Variants in LMX1A observed in about 807,000 individuals in gnomAD.
LMX1A encodes LIM homeobox transcription factor 1-alpha.
A neutral mutation model predicts 49.1 loss-of-function variants in LMX1A; 15 were observed. That is an observed-to-expected ratio of 0.31 (90% CI 0.20 to 0.47). LMX1A has a LOEUF of 0.47. Among genes scored for constraint, LMX1A ranks in the 20% least tolerant of loss-of-function variants. The probability of loss-of-function intolerance (pLI) is 1.00; values close to 1 mark genes in which losing one functional copy is unlikely to be tolerated. For missense variants in LMX1A, 372 were observed against 475.8 expected (o/e 0.78, Z 2.03); for synonymous variants, 167 against 185.7 (o/e 0.90, Z 0.82).
At chr1:165,311,706 G>A (rs1359271667) in intron 3 of LMX1A, among the ~76,000 whole-genome samples, 1 of 152,212 alleles carries the variant, frequency 6.6e-6, no homozygotes, top group South Asian at 2.1e-4. Flanking sequence ...AAGAGAAAGA[G>A]AAGGGTTTGT....
chr1:165,355,461 G>T lies in LMX1A; in HGVS notation c.76+23C>A, dbSNP rs1234064541. On this transcript the variant is annotated intron_variant, in intron 2 of 8. Coordinates refer to ENST00000342310, the MANE Select transcript of LMX1A (RefSeq NM_177398.4). This position sits in a 1 kb window ranked among gnomAD's most constrained non-coding sequence, Gnocchi z 4.7. ...GCCAAGCGGAAAGAGAGTGCGCCCAGGACGCACGGCCTGAACACTCACCCA... is the reference window on the plus strand; with the variant it reads ...GCCAAGCGGAAAGAGAGTGCGCCCATGACGCACGGCCTGAACACTCACCCA... 16 of 1,612,488 alleles carry T rather than the reference G, an allele frequency of 9.9e-6. No individual in the cohort carries two copies. The East Asian group carries it at 3.6e-4, about 36-fold the overall frequency.
At chr1:165,257,462 G>A (rs946824853) in intron 3 of LMX1A, among the ~76,000 whole-genome samples, 4 of 151,936 alleles carry the variant, frequency 2.6e-5, no homozygotes, top group Non-Finnish European at 4.4e-5. Flanking sequence ...TTGATCCCTT[G>A]AGGCTACTCA....
At chr1:165,259,983 G>A (rs1240984582) in intron 3 of LMX1A, among the ~76,000 whole-genome samples, 1 of 152,188 alleles carries the variant, frequency 6.6e-6, no homozygotes, top group Non-Finnish European at 1.5e-5. Flanking sequence ...TGGTGAAAGT[G>A]TGGATTTCAA....
chr1:165,291,993 C>T (rs1435172320), intron 3 of LMX1A, among the ~76,000 whole-genome samples: 1 of 133,602 alleles, frequency 7.5e-6, no homozygotes, highest in African/African-American at 2.7e-5. Context: ...ACCCGGGAGG[C>T]GGAGCTTGCA....
intron 3 of LMX1A, among the ~76,000 whole-genome samples, chr1:165,264,490 G>T (rs1263248891): frequency 1.3e-5 from 2 of 152,104 alleles, no homozygotes; most frequent in Non-Finnish European, 1.5e-5. Flanking sequence ...CAGAAGTTTG[G>T]GGAGGAATTT....
At chr1:165,321,351 T>C (rs1655379634) in intron 3 of LMX1A, among the ~76,000 whole-genome samples, 1 of 152,138 alleles carries the variant, frequency 6.6e-6, no homozygotes, top group Non-Finnish European at 1.5e-5. Flanking sequence ...TCTGTGAACA[T>C]ACTAAAAAAC....
chr1:165,339,654 T>C (rs896863054), intron 3 of LMX1A, among the ~76,000 whole-genome samples: 2 of 152,128 alleles, frequency 1.3e-5, no homozygotes, highest in African/African-American at 2.4e-5. Context: ...TGAGGAGTGA[T>C]GGAAAGCAGA....
At chr1:165,316,784 A>C (rs1655241287) in intron 3 of LMX1A, among the ~76,000 whole-genome samples, 1 of 152,228 alleles carries the variant, frequency 6.6e-6, no homozygotes, top group Middle Eastern at 3.4e-3. Flanking sequence ...ATGGCAGATG[A>C]GGAGGAGTTG....
chr1:165,262,141 T>A (rs1010226741), intron 3 of LMX1A, among the ~76,000 whole-genome samples: 1 of 152,182 alleles, frequency 6.6e-6, no homozygotes, highest in East Asian at 1.9e-4. Context: ...GTGATTATGT[T>A]CCCAAGTGAA....
chr1:165,228,207 G>A (rs1471579763), intron 4 of LMX1A, among the ~76,000 whole-genome samples: 2 of 138,394 alleles, frequency 1.4e-5, no homozygotes, highest in Admixed American at 7.8e-5. Flanking sequence ...TTATTTTGGA[G>A]AGAACGGTGC....
At chr1:165,351,770 TA>T (rs1396043735) in intron 3 of LMX1A, among the ~76,000 whole-genome samples, 1 of 152,272 alleles carries the variant, frequency 6.6e-6, no homozygotes, top group Non-Finnish European at 1.5e-5. Context: ...GTCAAGTTTT[TA>T]AACTTGCATA....
At chr1:165,342,898 T>C (rs1299679649) in intron 3 of LMX1A, among the ~76,000 whole-genome samples, 1 of 151,980 alleles carries the variant, frequency 6.6e-6, no homozygotes, top group African/African-American at 2.4e-5. Flanking sequence ...AGTTAGAGGC[T>C]GGGGACAGCA....
chr1:165,227,960 T>C (rs1652097063), intron 4 of LMX1A, among the ~76,000 whole-genome samples: 1 of 152,200 alleles, frequency 6.6e-6, no homozygotes, highest in South Asian at 2.1e-4. Context: ...TTGACAAACA[T>C]TTACTTACTC....
At chr1:165,237,176 C>T (rs1652480103) in intron 4 of LMX1A, among the ~76,000 whole-genome samples, 1 of 152,234 alleles carries the variant, frequency 6.6e-6, no homozygotes, top group South Asian at 2.1e-4. Flanking sequence ...TCAGTCACTG[C>T]TTTCCCACCC....
chr1:165,226,062 G>A (rs1652023883), intron 4 of LMX1A, among the ~76,000 whole-genome samples: 2 of 152,016 alleles, frequency 1.3e-5, no homozygotes, highest in African/African-American at 4.8e-5. Flanking sequence ...AAAAATAATG[G>A]TATGACTGGA....
At chr1:165,342,801 A>G (rs1251621335) in intron 3 of LMX1A, among the ~76,000 whole-genome samples, 1 of 151,976 alleles carries the variant, frequency 6.6e-6, no homozygotes, top group African/African-American at 2.4e-5. Flanking sequence ...CAACAGGACA[A>G]ACTGAGAATT....
At chr1:165,320,890 G>A (rs1655366357) in intron 3 of LMX1A, among the ~76,000 whole-genome samples, 1 of 152,180 alleles carries the variant, frequency 6.6e-6, no homozygotes, top group African/African-American at 2.4e-5. Context: ...AAAATGCCAT[G>A]TAGTATTACA....
chr1:165,347,014 C>T lies in LMX1A; in HGVS notation c.263+6062G>A, dbSNP rs113253147. 6.5e-4 allele frequency among the ~76,000 whole-genome samples: 99 copies of T among 152,222 alleles called. 1 individual carries two copies. Among genetic ancestry groups the T allele is most frequent in the African/African-American group, 2.2e-3 (91 of 41,532 alleles). On this transcript the variant is annotated intron_variant, in intron 3 of 8. Coordinates refer to ENST00000342310, the MANE Select transcript of LMX1A (RefSeq NM_177398.4). ...TTATTTAATATATGACAAGGAGACACAAAGCTGCAGTCGACATTGGTCAAT... is the reference window on the plus strand; with the variant it reads ...TTATTTAATATATGACAAGGAGACATAAAGCTGCAGTCGACATTGGTCAAT...
chr1:165,334,228 C>T (rs559056531), intron 3 of LMX1A, among the ~76,000 whole-genome samples: 181 of 152,132 alleles, frequency 1.2e-3, no homozygotes, highest in Non-Finnish European at 2.0e-3. Flanking sequence ...GAATAGATTG[C>T]GGGATAGATC....
Sources: allele counts gnomAD v4.1 joint callset (sites outside exome capture counted in the v4.1 genomes callset), GRCh38; gene constraint gnomAD v4.1.1; non-coding constraint Gnocchi (gnomAD v3.1); transcripts MANE v1.5; gene names NCBI Gene and HGNC (gene_info 2026-07-23, HGNC 2026-07-21).